DTX1: variants seen among roughly 807,000 people sequenced by gnomAD.
DTX1 encodes the protein E3 ubiquitin-protein ligase DTX1.
Under a neutral mutation model 57.8 loss-of-function variants are expected in DTX1, and 26 were observed. The ratio of observed to expected loss-of-function variants is 0.45; its 90% CI spans 0.33 to 0.62. The LOEUF (loss-of-function observed/expected upper bound fraction) is 0.62. DTX1 is among the 20% of genes least tolerant of loss of function. The probability of loss-of-function intolerance (pLI) is 0.02; values close to 1 mark genes in which losing one functional copy is unlikely to be tolerated. For synonymous variants in DTX1, 398 were observed against 394.1 expected (o/e 1.01, Z -0.12); for missense variants, 704 against 895.3 (o/e 0.79, Z 2.73).
chr12:113,086,018 AGCACTTTGG>A (rs900660480), intron 3 of DTX1, among the ~76,000 whole-genome samples: 3 of 152,216 alleles, frequency 2.0e-5, no homozygotes, highest in African/African-American at 7.2e-5. Context: ...CTGTAATCCC[AGCACTTTGG>A]GAGGCTAAGG....
chr12:113,060,800 G>A (rs1463772111), intron 2 of DTX1, among the ~76,000 whole-genome samples: 1 of 152,196 alleles, frequency 6.6e-6, no homozygotes, highest in Non-Finnish European at 1.5e-5. Flanking sequence ...TAGAGGGCAG[G>A]GCTGTGAGAG....
At position 113,077,354 on chromosome 12, in the gene DTX1, G is replaced by A. The variant is rs2044779513; in HGVS notation, c.260-70G>A. ...ACCTCCCGCCCACCCTTGCCTGGCTGTGGCCCGCCCTTCCAGCCGCGCAGA... is the reference window on the plus strand; with the variant it reads ...ACCTCCCGCCCACCCTTGCCTGGCTATGGCCCGCCCTTCCAGCCGCGCAGA... On this transcript the variant is annotated intron_variant, in intron 2 of 9. Transcript: ENST00000548759. This position sits in a 1 kb window ranked among gnomAD's most constrained non-coding sequence, Gnocchi z 7.8. 2.0e-6 allele frequency: 3 copies of A among 1,504,788 alleles called. No homozygotes were observed. Among genetic ancestry groups the A allele is most frequent in the Non-Finnish European group, 2.7e-6 (3 of 1,131,660 alleles). 93.2% of individuals were successfully genotyped at this position (1,504,788 alleles called of 1,614,324 possible).
intron 2 of DTX1, among the ~76,000 whole-genome samples, chr12:113,061,817 C>T (rs1801471363): frequency 1.3e-5 from 2 of 151,998 alleles, no homozygotes; most frequent in Admixed American, 1.3e-4. Flanking sequence ...TCTCGTGCCT[C>T]AACCTCCCAA....
At chr12:113,059,178 A>T (rs1014142000) in intron 2 of DTX1, among the ~76,000 whole-genome samples, 1 of 151,626 alleles carries the variant, frequency 6.6e-6, no homozygotes, top group Non-Finnish European at 1.5e-5. Flanking sequence ...TCTTGGTGAC[A>T]ATGGAGGGAT....
Position 113,077,301 on chromosome 12 carries a change from C to T in DTX1, c.260-123C>T. On this transcript the variant is annotated intron_variant, in intron 2 of 9. Transcript: ENST00000548759. The surrounding 1 kb of genome is among the most constrained non-coding windows in gnomAD (Gnocchi z 7.8). Reference sequence around the variant, plus strand: ...GACCCTCTCCCCAAGTCTGGGTGGACCCCCTGGAGGCCTGTGCTGACCCCC... The same window carrying T: ...GACCCTCTCCCCAAGTCTGGGTGGATCCCCTGGAGGCCTGTGCTGACCCCC... 2 of 1,125,066 alleles carry T rather than the reference C, an allele frequency of 1.8e-6. No homozygotes were observed. The highest frequency in any genetic ancestry group is 3.3e-5 in the South Asian group (2 of 61,488). 69.7% of individuals were successfully genotyped at this position (1,125,066 alleles called of 1,614,324 possible).
intron 3 of DTX1, among the ~76,000 whole-genome samples, chr12:113,085,734 G>A (rs1006232346): frequency 1.3e-5 from 2 of 152,242 alleles, no homozygotes; most frequent in Middle Eastern, 3.4e-3. Flanking sequence ...TGTGTGGCAG[G>A]CACTGTTTGG....
At position 113,096,768 on chromosome 12, in the gene DTX1, C is replaced by T. The variant is rs1950301767; in HGVS notation, c.1692C>T (p.Gly564=). The change falls in exon 10 of 10, where the codon GGC becomes GGT. Residue 564 remains glycine, a synonymous_variant. Transcript: ENST00000548759. ...AGAGAAGACTCATCTTCACTATCGG[C>T]ACGTCCAACACCACGGGCGAGTCGG... ...AWERRLIFTI[G]TSNTTGESDT... 1 of 1,613,712 alleles carries T rather than the reference C, an allele frequency of 6.2e-7. No individual in the cohort carries two copies. Among genetic ancestry groups the T allele is most frequent in the Admixed American group, 1.7e-5 (1 of 60,004 alleles).
chr12:113,093,527 C>G lies in DTX1; in HGVS notation c.1004-12C>G, dbSNP rs1215080554. 1 of 1,594,026 alleles carries G rather than the reference C, an allele frequency of 6.3e-7. No individual in the cohort carries two copies. The highest frequency in any genetic ancestry group is 1.3e-5 in the African/African-American group (1 of 74,430). On this transcript the variant is annotated splice_polypyrimidine_tract_variant and intron_variant, in intron 4 of 9. Coordinates refer to ENST00000548759, the MANE Select transcript of DTX1 (RefSeq NM_004416.3). This position sits in a 1 kb window ranked among gnomAD's most constrained non-coding sequence, Gnocchi z 4.2. The stretch of plus-strand genomic sequence containing the variant: ...GGCGCCCCGCCCTGTGACTGCGCCC[C>G]CTAACCCCCAGGGATGACCGGGATA...
chr12:113,090,327 C>T (rs1592853999), intron 3 of DTX1, among the ~76,000 whole-genome samples: 1 of 152,062 alleles, frequency 6.6e-6, no homozygotes, highest in African/African-American at 2.4e-5. Flanking sequence ...GACAGCTGCC[C>T]CCCTGAGGAA....
chr12:113,080,352 G>A (rs1339556827), intron 3 of DTX1, among the ~76,000 whole-genome samples: 1 of 152,176 alleles, frequency 6.6e-6, no homozygotes, highest in Non-Finnish European at 1.5e-5. Context: ...GGCTCTGGCT[G>A]CCTTACAAAA....
intron 2 of DTX1, among the ~76,000 whole-genome samples, chr12:113,072,082 A>C (rs1210535246): frequency 2.6e-5 from 4 of 152,258 alleles, no homozygotes; most frequent in Admixed American, 2.0e-4. Flanking sequence ...GGACCCCTCG[A>C]AGCTTGGCCT....
At position 113,096,887 on chromosome 12, in the gene DTX1, T is replaced by C. The variant is rs1950304798; in HGVS notation, c.1811T>C (p.Val604Ala). The C allele has an allele frequency of 6.2e-7, 1 of 1,613,356 alleles. No individual in the cohort carries two copies. Among genetic ancestry groups the C allele is most frequent in the South Asian group, 1.1e-5 (1 of 91,086 alleles). Residue 604 changes from valine to alanine, a missense_variant, in exon 10 of 10, where the codon GTG becomes GCG. By Grantham distance (64) the Val-to-Ala change is moderately conservative. Around this residue, in one of 3 missense-constraint regions of DTX1, gnomAD observed 168 missense variants for 255.6 expected, o/e 0.66. Coordinates refer to ENST00000548759, the MANE Select transcript of DTX1 (RefSeq NM_004416.3). ...CCGGACGCTAGCTACCTAGACAACGTGCTGGCTGAGCTCACAGCCCAGGGC... is the reference window on the plus strand; with the variant it reads ...CCGGACGCTAGCTACCTAGACAACGCGCTGGCTGAGCTCACAGCCCAGGGC... ...GYPDASYLDN[V>A]LAELTAQGVS...
At chr12:113,066,261 G>A (rs2044703050) in intron 2 of DTX1, among the ~76,000 whole-genome samples, 1 of 152,040 alleles carries the variant, frequency 6.6e-6, no homozygotes, top group African/African-American at 2.4e-5. Context: ...GGGTGTGGTG[G>A]CTCACATCTA....
Position 113,096,784 on chromosome 12 carries a change from G to A in DTX1, c.1708G>A (p.Gly570Ser). Reference sequence around the variant, plus strand: ...CACTATCGGCACGTCCAACACCACGGGCGAGTCGGACACCGTGGTGTGGAA... The same window carrying A: ...CACTATCGGCACGTCCAACACCACGAGCGAGTCGGACACCGTGGTGTGGAA... ...IFTIGTSNTTGESDTVVWNEI... is the reference protein window; with the variant it reads ...IFTIGTSNTTSESDTVVWNEI... Residue 570 changes from glycine to serine, a missense_variant, in exon 10 of 10, where the codon GGC (glycine) becomes AGC (serine). Transcript: ENST00000548759. 1 of 1,613,842 alleles carries A rather than the reference G, an allele frequency of 6.2e-7. No homozygotes were observed. Among genetic ancestry groups the A allele is most frequent in the Non-Finnish European group, 8.5e-7 (1 of 1,180,004 alleles).
At chr12:113,089,461 C>T (rs1237816461) in intron 3 of DTX1, among the ~76,000 whole-genome samples, 1 of 152,154 alleles carries the variant, frequency 6.6e-6, no homozygotes, top group Non-Finnish European at 1.5e-5. Flanking sequence ...GGTCCTGTGC[C>T]AGCCTGGGCC....
intron 2 of DTX1, among the ~76,000 whole-genome samples, chr12:113,065,814 C>A (rs769754903): frequency 6.6e-6 from 1 of 151,744 alleles, no homozygotes; most frequent in Non-Finnish European, 1.5e-5. Flanking sequence ...CACGGGGAGG[C>A]CAAGGGGTTG....
At chr12:113,084,396 G>T (rs1184498048) in intron 3 of DTX1, among the ~76,000 whole-genome samples, 1 of 152,162 alleles carries the variant, frequency 6.6e-6, no homozygotes, top group Non-Finnish European at 1.5e-5. Context: ...TGGCTTTTTT[G>T]TGTGTGTGAG....
chr12:113,066,673 T>C (rs1032483739), intron 2 of DTX1, among the ~76,000 whole-genome samples: 1 of 149,326 alleles, frequency 6.7e-6, no homozygotes, highest in African/African-American at 2.4e-5. Flanking sequence ...GTGGTCACTA[T>C]TCATTCATTC....
At chr12:113,084,655 G>C (rs1371231042) in intron 3 of DTX1, among the ~76,000 whole-genome samples, 1 of 152,232 alleles carries the variant, frequency 6.6e-6, no homozygotes, top group Non-Finnish European at 1.5e-5. Context: ...AAAGCACTGG[G>C]ATTACTGGCA....
Sources: allele counts gnomAD v4.1 joint callset (sites outside exome capture counted in the v4.1 genomes callset), GRCh38; gene constraint gnomAD v4.1.1; regional missense constraint gnomAD v4.1.1; non-coding constraint Gnocchi (gnomAD v3.1); transcripts MANE v1.5; gene names NCBI Gene and HGNC (gene_info 2026-07-23, HGNC 2026-07-21).